The following ARHGEF28 variants were observed in gnomAD, a reference collection of about 807,000 sequenced individuals.
ARHGEF28 encodes 190 kDa guanine nucleotide exchange factor.
ARHGEF28 carries 152 observed loss-of-function variants against 206.6 expected under a neutral mutation model. That is an observed-to-expected ratio of 0.74 (90% CI 0.64 to 0.84). The LOEUF (loss-of-function observed/expected upper bound fraction) is 0.84, where lower values mean the gene tolerates loss of function less well. Among genes scored for constraint, ARHGEF28 ranks in the 40% least tolerant of loss-of-function variants. The probability of loss-of-function intolerance (pLI) is 0.00; values close to 1 mark genes in which losing one functional copy is unlikely to be tolerated. For missense variants in ARHGEF28, 2,028 were observed against 2,073.2 expected, an observed-to-expected ratio of 0.98 and a Z score of 0.42; for synonymous variants, 763 against 776.4, an observed-to-expected ratio of 0.98 and a Z score of 0.29.
intron 22 of ARHGEF28, among the ~76,000 whole-genome samples, chr5:73,877,029 T>C (rs1291378862): frequency 8.1e-5 from 11 of 135,282 alleles, no homozygotes; most frequent in Admixed American, 1.5e-4. Context: ...TGGTAGAATT[T>C]GGCTGTGAAT....
chr5:73,784,227 G>C (rs565736647), intron 7 of ARHGEF28, among the ~76,000 whole-genome samples: 2 of 151,998 alleles, frequency 1.3e-5, no homozygotes, highest in Non-Finnish European at 2.9e-5. Context: ...GGGACAATGT[G>C]TAGTAGGGGG....
intron 9 of ARHGEF28, among the ~76,000 whole-genome samples, chr5:73,821,528 C>T (rs1166670817): frequency 6.6e-6 from 1 of 152,136 alleles, no homozygotes; most frequent in Admixed American, 6.5e-5. Flanking sequence ...GGGGATCTGA[C>T]TTATTCGTAG....
intron 2 of ARHGEF28, among the ~76,000 whole-genome samples, chr5:73,702,038 G>A (rs1434469871): frequency 2.0e-5 from 3 of 152,140 alleles, no homozygotes; most frequent in Non-Finnish European, 4.4e-5. Context: ...ATGATTGCTG[G>A]GTCGTATAGT....
intron 26 of ARHGEF28, 102 bp from the exon 27 acceptor site, chr5:73,891,950 G>T (rs1761668855): frequency 9.6e-7 from 1 of 1,045,050 alleles, no homozygotes; most frequent in Admixed American, 2.8e-5. Flanking sequence ...TGGAAGTGGA[G>T]AAAGGTTTAC....
rs184898692 is a variant in ARHGEF28, at chr5:73,938,862, C to G, written c.4949-1982C>G. Among the ~76,000 whole-genome samples the G allele has an allele frequency of 1.3e-5, 2 of 151,152 alleles. 1 individual carries two copies. Among genetic ancestry groups the G allele is most frequent in the African/African-American group, 4.9e-5 (2 of 41,120 alleles). ...TTGCCTGGGAATATTTTTGTTCGCC[C>G]GATTAAGGGAGGTTCCTAGTTCTAT... On this transcript the variant is annotated intron_variant, in intron 35 of 35. Transcript: ENST00000513042.
intron 7 of ARHGEF28, among the ~76,000 whole-genome samples, chr5:73,792,333 A>C (rs1754528904): frequency 6.6e-6 from 1 of 152,174 alleles, no homozygotes; most frequent in African/African-American, 2.4e-5. Flanking sequence ...TGGCCTTTTG[A>C]GAAGGGAAAG....
intron 22 of ARHGEF28, among the ~76,000 whole-genome samples, chr5:73,874,531 A>G (rs1305501333): frequency 6.9e-6 from 1 of 145,064 alleles, no homozygotes; most frequent in East Asian, 2.0e-4. Context: ...ATTTAGCATT[A>G]GGTATATCTC....
intron 21 of ARHGEF28, 119 bp from the exon 22 acceptor site, chr5:73,872,880 A>T (rs1375658027): frequency 8.6e-7 from 1 of 1,168,542 alleles, no homozygotes; most frequent in East Asian, 2.5e-5. Context: ...TATTCTTGAT[A>T]TTCCTAAACA....
At chr5:73,799,722 G>C (rs1755024873) in intron 9 of ARHGEF28, among the ~76,000 whole-genome samples, 1 of 152,106 alleles carries the variant, frequency 6.6e-6, no homozygotes, top group Non-Finnish European at 1.5e-5. Context: ...ATGAAGGGTT[G>C]GTGAAACTGA....
intron 1 of ARHGEF28, among the ~76,000 whole-genome samples, chr5:73,657,396 G>T (rs1029879353): frequency 6.6e-6 from 1 of 152,062 alleles, no homozygotes; most frequent in Non-Finnish European, 1.5e-5. Flanking sequence ...TAGGAGTTCT[G>T]TCTGGTTCTT....
At chr5:73,914,490 G>T (rs551209916) in intron 35 of ARHGEF28, among the ~76,000 whole-genome samples, 2 of 138,818 alleles carry the variant, frequency 1.4e-5, no homozygotes, top group South Asian at 2.4e-4. Context: ...TCCACCTCCC[G>T]AGTTCAGGTG....
intron 31 of ARHGEF28, chr5:73,901,498 T>C (rs1468904407): frequency 5.1e-6 from 2 of 393,954 alleles, no homozygotes; most frequent in African/African-American, 4.1e-5. Context: ...AAAGCAACGA[T>C]TGAAAAGTTA....
intron 2 of ARHGEF28, among the ~76,000 whole-genome samples, chr5:73,715,223 C>T (rs1487147543): frequency 6.6e-6 from 1 of 152,210 alleles, no homozygotes; most frequent in Non-Finnish European, 1.5e-5. Context: ...GACCCACAGT[C>T]AAAGCCTTGT....
At position 73,774,046 on chromosome 5, in the gene ARHGEF28, T is replaced by G. The variant is rs1238523537; in HGVS notation, c.659+8T>G. 2 of 1,575,756 alleles carry G rather than the reference T, an allele frequency of 1.3e-6. No individual in the cohort carries two copies. The highest frequency in any genetic ancestry group is 2.4e-5 in the South Asian group (2 of 84,746). On this transcript the variant is annotated splice_region_variant and intron_variant, in intron 5 of 35. Transcript: ENST00000513042. The stretch of plus-strand genomic sequence containing the variant: ...GGTGGAAGACGTCACAAAGTGAGTT[T>G]AGCTACTTGATAGTCTCTCTCTTAT...
At chr5:73,856,295 T>G (rs1759028544) in intron 14 of ARHGEF28, among the ~76,000 whole-genome samples, 1 of 152,208 alleles carries the variant, frequency 6.6e-6, no homozygotes, top group Non-Finnish European at 1.5e-5. Flanking sequence ...TTCACTACTC[T>G]GTTGGCATAG....
intron 1 of ARHGEF28, among the ~76,000 whole-genome samples, chr5:73,639,842 C>CACTAA (rs1743957274): frequency 6.6e-6 from 1 of 152,092 alleles, no homozygotes; most frequent in Non-Finnish European, 1.5e-5. Flanking sequence ...TAGTGGTATG[C>CACTAA]TTTTTCACAT....
chr5:73,805,514 G>A (rs1755381921), intron 9 of ARHGEF28, among the ~76,000 whole-genome samples: 1 of 152,152 alleles, frequency 6.6e-6, no homozygotes, highest in Admixed American at 6.6e-5. Flanking sequence ...TCCTTTGGTT[G>A]ATACAGTTTT....
At chr5:73,628,171 T>G (rs1743124209) in intron 1 of ARHGEF28, among the ~76,000 whole-genome samples, 1 of 152,184 alleles carries the variant, frequency 6.6e-6, no homozygotes, top group Non-Finnish European at 1.5e-5. Context: ...ACTACACTTG[T>G]GGCTAAGACT....
intron 1 of ARHGEF28, among the ~76,000 whole-genome samples, chr5:73,681,742 G>A (rs1747114293): frequency 6.6e-6 from 1 of 152,102 alleles, no homozygotes; most frequent in Non-Finnish European, 1.5e-5. Flanking sequence ...TTGAACCTGG[G>A]AGGCAGAGTT....
Sources: allele counts gnomAD v4.1 joint callset (sites outside exome capture counted in the v4.1 genomes callset), GRCh38; gene constraint gnomAD v4.1.1; transcripts MANE v1.5; gene names NCBI Gene and HGNC (gene_info 2026-07-23, HGNC 2026-07-21).